The following FUT2 variants were observed in gnomAD, a reference collection of about 807,000 sequenced individuals.
FUT2 encodes the protein galactoside alpha-(1,2)-fucosyltransferase 2.
For missense variants in FUT2, 419 were observed against 465.8 expected, an observed-to-expected ratio of 0.90 and a Z score of 0.93; for synonymous variants, 182 against 193.1, an observed-to-expected ratio of 0.94 and a Z score of 0.48.
rs780209339 is a variant in FUT2, at chr19:48,703,989, T to C, written c.*1T>C. 1 of 1,613,066 alleles carries C rather than the reference T, an allele frequency of 6.2e-7. No individual in the cohort carries two copies. The highest frequency in any genetic ancestry group is 1.1e-5 in the South Asian group (1 of 90,550). On this transcript the variant is annotated 3_prime_UTR_variant, in exon 2 of 2. Transcript: ENST00000425340. ...CCTGTCCCCCTTACTCAAGCACTAA[T>C]GCTGGCCCATTCTTTGAGACCTTTT...
At position 48,703,523 on chromosome 19, in the gene FUT2, G is replaced by C; in HGVS notation, c.567G>C (p.Gly189=). 6.2e-7 allele frequency: 1 copy of C among 1,613,186 alleles called. No homozygotes were observed. Among genetic ancestry groups the C allele is most frequent in the Non-Finnish European group, 8.5e-7 (1 of 1,180,020 alleles). Residue 189 remains glycine (G), a synonymous_variant, in exon 2 of 2, where the codon GGG becomes GGC. Transcript: ENST00000425340. Reference sequence around the variant, plus strand: ...TCCTGCGGGGCCTGCAGGTGAACGGGAGCCGGCCGGGCACCTTTGTAGGGG... The same window carrying C: ...TCCTGCGGGGCCTGCAGGTGAACGGCAGCCGGCCGGGCACCTTTGTAGGGG... ...QKFLRGLQVN[G]SRPGTFVGVH... is the part of the protein sequence containing the mutation.
Position 48,705,108 on chromosome 19 carries a change from TTTC to T in FUT2, c.*1123_*1125del, listed in dbSNP as rs1568463061. On this transcript the variant is annotated 3_prime_UTR_variant, in exon 2 of 2. Coordinates refer to ENST00000425340, the MANE Select transcript of FUT2 (RefSeq NM_000511.6). ...GCTCACTGTTTTCTTTTCTTTTTCT[TTTC>T]TTTTTTTTTTTTTTTTTGAGATGGA... The T allele has an allele frequency of 2.3e-4, 53 of 227,818 alleles. 4 individuals carry two copies. The highest frequency in any genetic ancestry group is 1.1e-3 in the African/African-American group (39 of 35,440). 14.1% of individuals were successfully genotyped at this position (227,818 alleles called of 1,614,324 possible).
Position 48,704,108 on chromosome 19 carries a change from G to C in FUT2, c.*120G>C. The C allele has an allele frequency of 1.0e-6, 1 of 983,080 alleles. No homozygotes were observed. The highest frequency in any genetic ancestry group is 2.5e-5 in the East Asian group (1 of 40,538). 60.9% of individuals were successfully genotyped at this position (983,080 alleles called of 1,614,324 possible). A position where few individuals can be genotyped will look rare whatever the true frequency, so the allele number is the denominator to read the frequency against. On this transcript the variant is annotated 3_prime_UTR_variant, in exon 2 of 2. Transcript: ENST00000425340. ...ATCTCTCTTCTGTGAAGATGCGTTGGGCTGCAAGTAACAGAAATCTCAGTG... is the reference window on the plus strand; with the variant it reads ...ATCTCTCTTCTGTGAAGATGCGTTGCGCTGCAAGTAACAGAAATCTCAGTG...
intron 1 of FUT2, 66 bp from the exon 2 acceptor site, chr19:48,702,889 C>T: frequency 6.7e-7 from 1 of 1,503,136 alleles, no homozygotes; most frequent in Non-Finnish European, 9.2e-7. Flanking sequence ...CACCGCATGG[C>T]CACGTTCACC....
At chr19:48,697,400 A>G (rs1162485076) in intron 1 of FUT2, among the ~76,000 whole-genome samples, 1 of 150,466 alleles carries the variant, frequency 6.6e-6, no homozygotes, top group Non-Finnish European at 1.5e-5. Context: ...GTGGTGTCTC[A>G]TGCCTGTAAT....
chr19:48,704,930 A>C lies in FUT2; in HGVS notation c.*942A>C. ...TGGTGTTACCAAGGTGAAAAGGGGA[A>C]ATGGCTTTAGAGTAGACAACAGAGA... On this transcript the variant is annotated 3_prime_UTR_variant, in exon 2 of 2. Transcript: ENST00000425340. 2.4e-6 allele frequency: 1 copy of C among 411,950 alleles called. No homozygotes were observed. Among genetic ancestry groups the C allele is most frequent in the East Asian group, 3.6e-5 (1 of 28,016 alleles). The allele number at this position is 411,950 out of a possible 1,614,324, so 25.5% of individuals were successfully genotyped here. A position where few individuals can be genotyped will look rare whatever the true frequency, so the allele number is the denominator to read the frequency against.
In FUT2 at chr19:48,703,317, A is replaced by C. The variant is rs2032557777; in HGVS notation, c.361A>C (p.Arg121=). The part of the protein sequence containing the change: ...LPVLHSATAS[R]IPWQNYHLND... ...GGTGCTGCACAGCGCCACGGCCAGC[A>C]GGATCCCCTGGCAGAACTACCACCT... The change falls in exon 2 of 2, where the codon AGG becomes CGG. Residue 121 remains arginine (R), a synonymous_variant. Coordinates refer to ENST00000425340, the MANE Select transcript of FUT2 (RefSeq NM_000511.6). 5.0e-6 allele frequency: 8 copies of C among 1,612,996 alleles called. No individual in the cohort carries two copies. The highest frequency in any genetic ancestry group is 6.8e-6 in the Non-Finnish European group (8 of 1,179,968).
intron 1 of FUT2, among the ~76,000 whole-genome samples, chr19:48,700,152 C>CAAA (rs923397801): frequency 3.5e-4 from 16 of 45,302 alleles, no homozygotes; most frequent in East Asian, 7.7e-4. Flanking sequence ...GACTCCATCT[C>CAAA]AAAAAAAAAA....
chr19:48,697,010 T>C, intron 1 of FUT2, among the ~76,000 whole-genome samples: 1 of 151,276 alleles, frequency 6.6e-6, no homozygotes, highest in South Asian at 2.1e-4. Flanking sequence ...GCGCTGGGTG[T>C]AGGGGACAGA....
intron 1 of FUT2, among the ~76,000 whole-genome samples, chr19:48,698,815 A>G (rs965822684): frequency 6.6e-6 from 1 of 151,654 alleles, no homozygotes; most frequent in East Asian, 1.9e-4. Flanking sequence ...AACTCAAGCA[A>G]TCCTCCCAGC....
Position 48,702,937 on chromosome 19 carries a change from G to A in FUT2, c.-2-18G>A, listed in dbSNP as rs765011151. 15 of 1,612,520 alleles carry A rather than the reference G, an allele frequency of 9.3e-6. No individual in the cohort carries two copies. Among genetic ancestry groups the A allele is most frequent in the Middle Eastern group, 1.6e-4 (1 of 6,084 alleles). ...CTCCATCTCCCAGCTAACGTGTCCC[G>A]TTTTCCTCCCCTGACAGCCATGCTG... is the stretch of plus-strand genomic sequence containing the variant. On this transcript the variant is annotated intron_variant, in intron 1 of 1. Coordinates refer to ENST00000425340, the MANE Select transcript of FUT2 (RefSeq NM_000511.6).
In FUT2 at chr19:48,703,966, T is replaced by C. The variant is rs2032585252; in HGVS notation, c.1010T>C (p.Leu337Pro). Residue 337 changes from leucine (L) to proline (P), a missense_variant, in exon 2 of 2, where the codon CTG becomes CCG. By Grantham distance (98) the Leu-to-Pro change is moderately conservative. Transcript: ENST00000425340. Reference protein sequence around the residue: ...LPEWTGIAADLSPLLKH With the variant: ...LPEWTGIAADPSPLLKH ...GAGTGGACAGGGATTGCCGCAGACCTGTCCCCCTTACTCAAGCACTAATGC... is the reference window on the plus strand; with the variant it reads ...GAGTGGACAGGGATTGCCGCAGACCCGTCCCCCTTACTCAAGCACTAATGC... 2.5e-6 allele frequency: 4 copies of C among 1,613,502 alleles called. No individual in the cohort carries two copies. Among genetic ancestry groups the C allele is most frequent in the Non-Finnish European group, 3.4e-6 (4 of 1,180,012 alleles).
chr19:48,699,616 G>A (rs2032474389), intron 1 of FUT2, among the ~76,000 whole-genome samples: 1 of 152,028 alleles, frequency 6.6e-6, no homozygotes, highest in African/African-American at 2.4e-5. Flanking sequence ...AGCATTCTTT[G>A]CCTTGTGGGT....
In FUT2 at chr19:48,703,388, C is replaced by T. The variant is rs1194181444; in HGVS notation, c.432C>T (p.Tyr144=). Residue 144 remains tyrosine, a synonymous_variant, in exon 2 of 2, where the codon TAC becomes TAT. Transcript: ENST00000425340. Reference sequence around the variant, plus strand: ...AATACCGCCACATCCCGGGGGAGTACGTCCGCTTCACCGGCTACCCCTGCT... The same window carrying T: ...AATACCGCCACATCCCGGGGGAGTATGTCCGCTTCACCGGCTACCCCTGCT... ...EEEYRHIPGE[Y]VRFTGYPCSW... is the part of the protein sequence containing the mutation. The T allele has an allele frequency of 6.4e-5, 103 of 1,613,020 alleles. No individual in the cohort carries two copies. Among genetic ancestry groups the T allele is most frequent in the Non-Finnish European group, 8.1e-5 (95 of 1,179,994 alleles).
At chr19:48,702,871 C>T in intron 1 of FUT2, 84 bp from the exon 2 acceptor site, 1 of 1,292,064 alleles carries the variant, frequency 7.7e-7, no homozygotes, top group Admixed American at 1.7e-5. Flanking sequence ...CACACTATGC[C>T]TGCACACCAC....
chr19:48,697,027 A>G (rs2032423384), intron 1 of FUT2, among the ~76,000 whole-genome samples: 1 of 151,824 alleles, frequency 6.6e-6, no homozygotes, highest in Non-Finnish European at 1.5e-5. Flanking sequence ...CAGAGGGGAG[A>G]GGAGGAAGCC....
intron 1 of FUT2, among the ~76,000 whole-genome samples, chr19:48,698,557 T>C (rs2032455304): frequency 6.6e-6 from 1 of 152,016 alleles, no homozygotes; most frequent in Non-Finnish European, 1.5e-5. Flanking sequence ...TTCTCCTGCC[T>C]CAGCCTCCTG....
intron 1 of FUT2, among the ~76,000 whole-genome samples, chr19:48,700,177 AAAGG>A (rs1403340489): frequency 1.3e-5 from 2 of 150,210 alleles, no homozygotes; most frequent in African/African-American, 4.9e-5. Flanking sequence ...AAAAAAAAGA[AAAGG>A]AAAAGAAGTG....
Position 48,703,041 on chromosome 19 carries a change from C to G in FUT2, c.85C>G (p.Gln29Glu). The G allele has an allele frequency of 6.2e-7, 1 of 1,613,108 alleles. No homozygotes were observed. The highest frequency in any genetic ancestry group is 8.5e-7 in the Non-Finnish European group (1 of 1,180,022). The change falls in exon 2 of 2, where the codon CAG becomes GAG. Residue 29 changes from glutamine (Q) to glutamate (E), a missense_variant. By Grantham distance (29) the Gln-to-Glu change is conservative. Transcript: ENST00000425340. The part of the protein sequence containing the change: ...VFTVSTIFHV[Q>E]QRLAKIQAMW... ...TACGGTTTCCACTATATTTCACGTT[C>G]AGCAGCGGCTAGCGAAGATTCAAGC...
Sources: gnomAD v4.1 joint callset for allele counts (sites outside exome capture counted in the v4.1 genomes callset) on GRCh38, gnomAD v4.1.1 for gene constraint, MANE v1.5 for transcripts, NCBI Gene and HGNC (gene_info 2026-07-23, HGNC 2026-07-21) for gene names.